PCSK5: variants seen among roughly 807,000 people sequenced by gnomAD.
PCSK5 encodes prohormone convertase 5.
In PCSK5, 129 loss-of-function variants were observed where a neutral mutation model predicts 233.2. The ratio of observed to expected loss-of-function variants is 0.55; its 90% confidence interval spans 0.48 to 0.64. PCSK5 has a LOEUF of 0.64. PCSK5 is among the 30% of genes least tolerant of loss of function. PCSK5 has a pLI of 0.00. For missense variants in PCSK5, 2,076 were observed against 2,430.1 expected, an observed-to-expected ratio of 0.85 and a Z score of 3.06; for synonymous variants, 825 against 879.2, an observed-to-expected ratio of 0.94 and a Z score of 1.09.
chr9:76,047,379 A>C (rs369355316), intron 5 of PCSK5, among the ~76,000 whole-genome samples: 2 of 152,136 alleles, frequency 1.3e-5, no homozygotes, highest in South Asian at 2.1e-4. Context: ...AATCTTACTG[A>C]TGCTGAGCAT....
Position 76,073,979 on chromosome 9 carries a change from A to C in PCSK5, c.894+2081A>C, listed in dbSNP as rs567797056. Reference sequence around the variant, plus strand: ...AGAAAATTATTCCAACACATGAGGAAGATTATATTTAGAAATAATTTGGAG... The same window carrying C: ...AGAAAATTATTCCAACACATGAGGACGATTATATTTAGAAATAATTTGGAG... On this transcript the variant is annotated intron_variant, in intron 7 of 37. Transcript: ENST00000674117. 2.6e-5 allele frequency among the ~76,000 whole-genome samples: 4 copies of C among 152,336 alleles called. No homozygotes were observed. In the South Asian group the frequency reaches 8.3e-4, roughly 32 times the overall value.
intron 35 of PCSK5, among the ~76,000 whole-genome samples, chr9:76,346,764 C>T (rs1221969307): frequency 2.0e-5 from 3 of 152,002 alleles, no homozygotes; most frequent in Non-Finnish European, 4.4e-5. Flanking sequence ...AGATGAATTC[C>T]TTCCTTTTTA....
At chr9:75,915,029 G>A (rs143677320) in intron 1 of PCSK5, among the ~76,000 whole-genome samples, 433 of 152,308 alleles carry the variant, frequency 2.8e-3, no homozygotes, top group African/African-American at 9.9e-3. Flanking sequence ...TAAGGTAAAT[G>A]ATTGATTGAA....
Position 75,969,183 on chromosome 9 carries a change from A to T in PCSK5, c.298-16949A>T, listed in dbSNP as rs1825717419. Among the ~76,000 whole-genome samples, 12 of 152,342 alleles carry T rather than the reference A, an allele frequency of 7.9e-5. 1 individual carries two copies. In the South Asian group the frequency reaches 2.5e-3, roughly 32 times the overall value. ...CAACTTTACATAGCTATAATTTTGTATAAGTGATCTGGATGCCAGTTCTCA... is the reference window on the plus strand; with the variant it reads ...CAACTTTACATAGCTATAATTTTGTTTAAGTGATCTGGATGCCAGTTCTCA... On this transcript the variant is annotated intron_variant, in intron 2 of 37. Transcript: ENST00000674117.
chr9:75,957,836 G>A (rs1456517404), intron 2 of PCSK5, among the ~76,000 whole-genome samples: 1 of 152,192 alleles, frequency 6.6e-6, no homozygotes, highest in African/African-American at 2.4e-5. Context: ...AATGATGAAG[G>A]TACAGAGAGC....
intron 5 of PCSK5, among the ~76,000 whole-genome samples, chr9:76,064,336 CGGGGCGGCTGGCCGGGCGGGGGGCTG>C (rs1830177737): frequency 9.4e-6 from 1 of 106,276 alleles, no homozygotes; most frequent in African/African-American, 4.3e-5. Context: ...ACCTCCCGGA[CGGGGCGGCTGGCCGGGCGGGGGGCTG>C]ACCCCCCCAC....
At chr9:76,311,977 C>T (rs1332713121) in intron 30 of PCSK5, among the ~76,000 whole-genome samples, 2 of 152,094 alleles carry the variant, frequency 1.3e-5, no homozygotes, top group East Asian at 3.9e-4. Context: ...TAATCTCAGT[C>T]GCAAGAATGC....
intron 22 of PCSK5, among the ~76,000 whole-genome samples, chr9:76,237,635 G>C (rs1487471407): frequency 6.6e-6 from 1 of 151,876 alleles, no homozygotes; most frequent in South Asian, 2.1e-4. Flanking sequence ...AAATGGTTGG[G>C]CATGGTGGCA....
intron 3 of PCSK5, among the ~76,000 whole-genome samples, chr9:76,021,842 C>T (rs73650421): frequency 0.035 from 5,359 of 152,198 alleles, 305 homozygotes; most frequent in African/African-American, 0.12. Flanking sequence ...GCCTACAACA[C>T]CCTGAATGAT....
chr9:76,174,566 TC>T (rs1412905437), intron 13 of PCSK5, among the ~76,000 whole-genome samples: 1 of 152,044 alleles, frequency 6.6e-6, no homozygotes, highest in Non-Finnish European at 1.5e-5. Context: ...AGTCTCAGCC[TC>T]CCAAGGTGCT....
intron 3 of PCSK5, among the ~76,000 whole-genome samples, chr9:76,022,718 C>T (rs1419906587): frequency 6.6e-6 from 1 of 152,156 alleles, no homozygotes; most frequent in African/African-American, 2.4e-5. Context: ...GTAGCCATTG[C>T]AGAATGAAAT....
At position 76,325,168 on chromosome 9, in the gene PCSK5, A is replaced by G. The variant is rs530295039; in HGVS notation, c.4339+1880A>G. Among the ~76,000 whole-genome samples the G allele has an allele frequency of 4.2e-3, 646 of 152,244 alleles. 2 individuals are homozygous for G. Among genetic ancestry groups the G allele is most frequent in the African/African-American group, 0.015 (620 of 41,544 alleles). The stretch of plus-strand genomic sequence containing the variant: ...AGAGGCGGGTGTTCGTGTGGGAGGC[A>G]GGCTGTGGAGCTGGGAATGGCTTCT... On this transcript the variant is annotated intron_variant, in intron 32 of 37. Coordinates refer to ENST00000674117, the MANE Select transcript of PCSK5 (RefSeq NM_001372043.1).
At chr9:76,111,656 T>C (rs1216067562) in intron 9 of PCSK5, among the ~76,000 whole-genome samples, 1 of 152,168 alleles carries the variant, frequency 6.6e-6, no homozygotes, top group African/African-American at 2.4e-5. Flanking sequence ...GATTATAGGA[T>C]ATCATTTGGG....
intron 28 of PCSK5, among the ~76,000 whole-genome samples, chr9:76,302,959 C>CTTTTTTT (rs10552673): frequency 6.9e-5 from 6 of 87,468 alleles, no homozygotes; most frequent in Middle Eastern, 9.1e-3. Flanking sequence ...CAAAGTGGTT[C>CTTTTTTT]TTTTTTTTTT....
intron 9 of PCSK5, among the ~76,000 whole-genome samples, chr9:76,110,885 G>A (rs112174073): frequency 0.017 from 2,561 of 152,300 alleles, 67 homozygotes; most frequent in African/African-American, 0.056. Flanking sequence ...GAGGCAGGAG[G>A]ATCACCTGAG....
At chr9:75,951,930 AT>A (rs997214811) in intron 2 of PCSK5, among the ~76,000 whole-genome samples, 1 of 151,640 alleles carries the variant, frequency 6.6e-6, no homozygotes, top group Non-Finnish European at 1.5e-5. Context: ...GGATGACTGT[AT>A]TTTAATTCTT....
Position 76,328,240 on chromosome 9 carries a change from G to A in PCSK5, c.4570+1G>A. Reference sequence around the variant, plus strand: ...TGCCCCATGAACAGCCTTCTTCTCAGTGAGTTACTTCTCCGAGGACAGCTT... The same window carrying A: ...TGCCCCATGAACAGCCTTCTTCTCAATGAGTTACTTCTCCGAGGACAGCTT... On this transcript the variant is annotated splice_donor_variant, in intron 33 of 37. Coordinates refer to ENST00000674117, the MANE Select transcript of PCSK5 (RefSeq NM_001372043.1). LOFTEE classifies it high-confidence loss of function. 5 of 1,603,042 alleles carry A rather than the reference G, an allele frequency of 3.1e-6. No individual in the cohort carries two copies. The highest frequency in any genetic ancestry group is 4.3e-6 in the Non-Finnish European group (5 of 1,170,882).
chr9:75,911,013 A>G (rs751316626), intron 1 of PCSK5, among the ~76,000 whole-genome samples: 114 of 152,154 alleles, frequency 7.5e-4, no homozygotes, highest in Non-Finnish European at 1.4e-3. Context: ...TTGAAGCAAC[A>G]TGCAGTGATT....
intron 24 of PCSK5, among the ~76,000 whole-genome samples, chr9:76,283,684 A>G (rs1160036769): frequency 2.0e-5 from 3 of 152,200 alleles, no homozygotes; most frequent in African/African-American, 2.4e-5. Context: ...TTCCCAACAG[A>G]TGCTTTTTTA....
Sources: allele counts gnomAD v4.1 joint callset (sites outside exome capture counted in the v4.1 genomes callset), GRCh38; gene constraint gnomAD v4.1.1; transcripts MANE v1.5; gene names NCBI Gene and HGNC (gene_info 2026-07-23, HGNC 2026-07-21).